UGT1A5: variants seen among roughly 807,000 people sequenced by gnomAD.
UGT1A5 encodes the protein UDP glucuronosyltransferase family 1 member A5.
Under a neutral mutation model 40.3 loss-of-function variants are expected in UGT1A5, and 29 were observed. The observed-to-expected ratio is 0.72, with a 90% CI of 0.54 to 0.98. UGT1A5 has a LOEUF of 0.98. Ranked by LOEUF, UGT1A5 falls within the 50% of genes least tolerant of loss-of-function variation. The pLI, the probability that UGT1A5 is intolerant of heterozygous loss-of-function variation, is 0.00. For missense variants in UGT1A5, 678 were observed against 677.9 expected (o/e 1.00, Z 0.00); for synonymous variants, 257 against 262.5 (o/e 0.98, Z 0.20).
intron 1 of UGT1A5, among the ~76,000 whole-genome samples, chr2:233,765,948 C>T (rs1314751958): frequency 6.6e-6 from 1 of 152,116 alleles, no homozygotes; most frequent in African/African-American, 2.4e-5. Context: ...GCTCTGACCT[C>T]ACCGGCAGTG....
intron 1 of UGT1A5, among the ~76,000 whole-genome samples, chr2:233,733,630 C>T (rs2078422347): frequency 6.6e-6 from 1 of 152,174 alleles, no homozygotes; most frequent in Non-Finnish European, 1.5e-5. Context: ...ATATGTTGAA[C>T]CAGCCTTGCA....
chr2:233,755,060 C>T, intron 1 of UGT1A5: 1 of 1,334,970 alleles, frequency 7.5e-7, no homozygotes, highest in Non-Finnish European at 1.0e-6. Context: ...CCGCCCTCGC[C>T]TCGCCATAGC....
intron 1 of UGT1A5, chr2:233,760,248 A>ATT (rs606231201): frequency 6.2e-7 from 1 of 1,609,150 alleles, no homozygotes; most frequent in South Asian, 1.1e-5. Context: ...ATATATATAT[A>ATT]AGTAGGAGAG....
intron 1 of UGT1A5, chr2:233,748,105 C>A: frequency 6.2e-7 from 1 of 1,612,580 alleles, no homozygotes; most frequent in Admixed American, 1.7e-5. Context: ...TTCATCCAAT[C>A]AATGTTCCAG....
chr2:233,734,624 C>A (rs1319602311), intron 1 of UGT1A5, among the ~76,000 whole-genome samples: 1 of 152,146 alleles, frequency 6.6e-6, no homozygotes, highest in Non-Finnish European at 1.5e-5. Flanking sequence ...GATTTTAGAT[C>A]TTTCCTGCTT....
rs1693674969 is a variant in UGT1A5 at position 233,747,432 on chromosome 2, T to A, written c.868-19602T>A. ...GAATATGCACATCAAACAAGAGAAA[T>A]TTTTCACCCTGACAACCTATGCCAT... On this transcript the variant is annotated intron_variant, in intron 1 of 4. Transcript: ENST00000373414. 1.9e-6 allele frequency: 3 copies of A among 1,608,474 alleles called. No individual in the cohort carries two copies. The Admixed American group carries it at 5.0e-5, about 27-fold the overall frequency.
intron 1 of UGT1A5, among the ~76,000 whole-genome samples, chr2:233,751,630 A>C (rs1694768299): frequency 6.6e-6 from 1 of 152,142 alleles, no homozygotes; most frequent in Non-Finnish European, 1.5e-5. Context: ...TCATGTGTGC[A>C]GTTTCCCCCT....
chr2:233,715,620 A>G (rs1253774011), intron 1 of UGT1A5, among the ~76,000 whole-genome samples: 1 of 151,982 alleles, frequency 6.6e-6, no homozygotes, highest in Non-Finnish European at 1.5e-5. Flanking sequence ...AAAAATTAAA[A>G]AATTATCCAG....
At position 233,772,260 on chromosome 2, in the gene UGT1A5, A is replaced by G; in HGVS notation, c.1308-2A>G. 1 of 1,614,264 alleles carries G rather than the reference A, an allele frequency of 6.2e-7. No homozygotes were observed. Among genetic ancestry groups the G allele is most frequent in the Non-Finnish European group, 8.5e-7 (1 of 1,180,050 alleles). ...GCATAACGAAACTGTCTTTGTGTTT[A>G]GTTACAAGGAGAACATCATGCGCCT... On this transcript the variant is annotated splice_acceptor_variant, in intron 4 of 4. Transcript: ENST00000373414. LOFTEE classifies it high-confidence loss of function.
Position 233,720,480 on chromosome 2 carries a change from G to GTCCAAGAAGGGACTTCTGGTGAGGA in UGT1A5, c.867+6634_867+6635insCTTCTGGTGAGGATCCAAGAAGGGA, listed in dbSNP as rs2076862998. Among the ~76,000 whole-genome samples the GTCCAAGAAGGGACTTCTGGTGAGGA allele has an allele frequency of 3.3e-5, 5 of 152,228 alleles. No individual in the cohort carries two copies. In the South Asian group the frequency reaches 1.0e-3, roughly 32 times the overall value. ...TGGGACCAGTGATGAATGGACATGT[G>GTCCAAGAAGGGACTTCTGGTGAGGA]TCCAAGAAGGGAAGTGTTTCTCAGG... On this transcript the variant is annotated intron_variant, in intron 1 of 4. Transcript: ENST00000373414.
Position 233,751,308 on chromosome 2 carries a change from C to T in UGT1A5, c.868-15726C>T, listed in dbSNP as rs184289670. ...CCCATTTGGAATGGGAATATTTACC[C>T]AATTTCTGTACCCCCATTGTGTCTT... On this transcript the variant is annotated intron_variant, in intron 1 of 4. Coordinates refer to ENST00000373414, the MANE Select transcript of UGT1A5 (RefSeq NM_019078.2). Among the ~76,000 whole-genome samples the T allele has an allele frequency of 1.2e-3, 189 of 152,106 alleles. 2 individuals carry two copies. Among genetic ancestry groups the T allele is most frequent in the African/African-American group, 4.3e-3 (176 of 41,336 alleles).
intron 1 of UGT1A5, among the ~76,000 whole-genome samples, chr2:233,749,862 T>G (rs1409437282): frequency 1.3e-5 from 2 of 151,992 alleles, no homozygotes; most frequent in Non-Finnish European, 2.9e-5. Flanking sequence ...TCTCACTTTC[T>G]GCCAGGATTA....
chr2:233,770,944 A>T (rs905927558), intron 4 of UGT1A5: 3 of 152,138 alleles, frequency 2.0e-5, no homozygotes, highest in Non-Finnish European at 4.4e-5. Context: ...TGCCGGGGGA[A>T]CCTCAGGGAG....
intron 1 of UGT1A5, among the ~76,000 whole-genome samples, chr2:233,730,881 T>C (rs2078083479): frequency 6.6e-6 from 1 of 152,122 alleles, no homozygotes. Context: ...CAGGTTTCTA[T>C]AGTGGGATCT....
chr2:233,718,300 C>G, intron 1 of UGT1A5, among the ~76,000 whole-genome samples: 1 of 152,240 alleles, frequency 6.6e-6, no homozygotes, highest in Non-Finnish European at 1.5e-5. Flanking sequence ...AGCCTGAACA[C>G]TCTCTGTTTA....
intron 1 of UGT1A5, among the ~76,000 whole-genome samples, chr2:233,724,194 C>T (rs1375067088): frequency 3.2e-5 from 4 of 125,876 alleles, no homozygotes; most frequent in Non-Finnish European, 4.9e-5. Context: ...GACGGGGTGG[C>T]TGGCCGGGCT....
At position 233,769,810 on chromosome 2, in the gene UGT1A5, A is replaced by G. The variant is rs1699943868; in HGVS notation, c.1307+1371A>G. The G allele has an allele frequency of 5.9e-6, 6 of 1,010,036 alleles. No individual in the cohort carries two copies. Among genetic ancestry groups the G allele is most frequent in the African/African-American group, 3.3e-5 (2 of 61,048 alleles). The allele number at this position is 1,010,036 out of a possible 1,614,324, so 62.6% of individuals were successfully genotyped here. ...TTGGAGGCTGCTATGAGCCGTGATC[A>G]TGCCACTGCACTCCAGCAACCTGGG... On this transcript the variant is annotated intron_variant, in intron 4 of 4. Transcript: ENST00000373414. This position sits in a 1 kb window ranked among gnomAD's most constrained non-coding sequence, Gnocchi z 4.4.
intron 1 of UGT1A5, chr2:233,747,938 G>A (rs1693816643): frequency 2.5e-6 from 4 of 1,613,450 alleles, no homozygotes; most frequent in Non-Finnish European, 3.4e-6. Context: ...TTCAGAGGGA[G>A]GTGTCAGTGG....
chr2:233,719,074 C>T, intron 1 of UGT1A5: 1 of 1,614,224 alleles, frequency 6.2e-7, no homozygotes, highest in Non-Finnish European at 8.5e-7. Flanking sequence ...GTTCCATGGA[C>T]CCAGAAGGAA....
Sources: allele counts gnomAD v4.1 joint callset (sites outside exome capture counted in the v4.1 genomes callset), GRCh38; gene constraint gnomAD v4.1.1; non-coding constraint Gnocchi (gnomAD v3.1); transcripts MANE v1.5; gene names NCBI Gene and HGNC (gene_info 2026-07-23, HGNC 2026-07-21).